Variants in GRM8 observed in about 807,000 individuals in gnomAD.
GRM8 encodes the protein metabotropic glutamate receptor 8.
GRM8 carries 47 observed loss-of-function variants against 87.2 expected under a neutral mutation model. The ratio of observed to expected loss-of-function variants is 0.54; its 90% CI spans 0.43 to 0.69. The LOEUF is 0.69. GRM8 is among the 30% of genes least tolerant of loss of function. The pLI is 0.00. For synonymous variants in GRM8, 396 were observed against 404.5 expected (o/e 0.98, Z 0.25); for missense variants, 1,019 against 1,139.2 (o/e 0.89, Z 1.52).
chr7:126,735,017 A>G (rs1814036837), intron 7 of GRM8, among the ~76,000 whole-genome samples: 1 of 152,076 alleles, frequency 6.6e-6, no homozygotes, highest in Admixed American at 6.6e-5. Flanking sequence ...ATTTTTGGCC[A>G]ATCCAGGCCT....
intron 3 of GRM8, among the ~76,000 whole-genome samples, chr7:126,945,113 G>GTTTA (rs571901183): frequency 1.1e-4 from 17 of 151,804 alleles, no homozygotes; most frequent in Admixed American, 3.9e-4. Context: ...ATGTGTAGAT[G>GTTTA]TTTACTCTAG....
At chr7:126,587,924 A>G (rs2151032195) in intron 8 of GRM8, among the ~76,000 whole-genome samples, 1 of 151,556 alleles carries the variant, frequency 6.6e-6, no homozygotes, top group Admixed American at 6.6e-5. Flanking sequence ...AAAAAAAAAG[A>G]AAAAGAAAGA....
chr7:126,741,096 C>G (rs1814915316), intron 7 of GRM8, among the ~76,000 whole-genome samples: 1 of 152,008 alleles, frequency 6.6e-6, no homozygotes, highest in African/African-American at 2.4e-5. Context: ...GTGAATAAAA[C>G]CAGTGAGACG....
intron 9 of GRM8, among the ~76,000 whole-genome samples, chr7:126,499,990 G>A (rs1178570828): frequency 2.0e-5 from 3 of 151,772 alleles, no homozygotes; most frequent in African/African-American, 4.8e-5. Context: ...TGATATGTGC[G>A]TATATACATA....
intron 6 of GRM8, among the ~76,000 whole-genome samples, chr7:126,899,972 T>A (rs1389848069): frequency 6.6e-6 from 1 of 152,066 alleles, no homozygotes; most frequent in East Asian, 1.9e-4. Context: ...CCTGTCTTTC[T>A]CCTGGAGACT....
At chr7:126,469,898 T>C (rs1395521871) in intron 9 of GRM8, among the ~76,000 whole-genome samples, 2 of 152,094 alleles carry the variant, frequency 1.3e-5, no homozygotes, top group African/African-American at 4.8e-5. Flanking sequence ...AGGCAGAGGT[T>C]GGAAGAGTTT....
At chr7:127,034,869 T>C (rs997369492) in intron 3 of GRM8, among the ~76,000 whole-genome samples, 5 of 152,126 alleles carry the variant, frequency 3.3e-5, no homozygotes, top group Non-Finnish European at 5.9e-5. Flanking sequence ...GGAAATCTCA[T>C]AAAACTCTGA....
chr7:126,760,506 G>T (rs1459142367), intron 7 of GRM8, among the ~76,000 whole-genome samples: 1 of 152,126 alleles, frequency 6.6e-6, no homozygotes, highest in East Asian at 1.9e-4. Flanking sequence ...AAATTTCATG[G>T]TGATTTAATG....
chr7:126,921,966 T>A (rs1292053910), intron 3 of GRM8, among the ~76,000 whole-genome samples: 1 of 151,922 alleles, frequency 6.6e-6, no homozygotes, highest in Admixed American at 6.6e-5. Flanking sequence ...TTAACAGCCA[T>A]CAAAGGTCCA....
rs1413499687 is a variant in GRM8, at chr7:127,252,785, G to T, written c.-312+12C>A. 2 of 159,116 alleles carry T rather than the reference G, an allele frequency of 1.3e-5. No homozygotes were observed. The highest frequency in any genetic ancestry group is 2.9e-4 in the South Asian group (2 of 6,866). 9.9% of individuals were successfully genotyped at this position (159,116 alleles called of 1,614,324 possible). A position where few individuals can be genotyped will look rare whatever the true frequency, so the allele number is the denominator to read the frequency against. On this transcript the variant is annotated intron_variant, in intron 1 of 10. Coordinates refer to ENST00000339582, the MANE Select transcript of GRM8 (RefSeq NM_000845.3). The surrounding 1 kb of genome is among the most constrained non-coding windows in gnomAD (Gnocchi z 4.9). ...TCGGAGCCGCTTTCTGCTGCCGGGC[G>T]GCGAGTCTTACCCTGCTCCCCGCAG...
chr7:126,649,790 G>C (rs1803590842), intron 7 of GRM8, among the ~76,000 whole-genome samples: 1 of 152,182 alleles, frequency 6.6e-6, no homozygotes, highest in East Asian at 1.9e-4. Context: ...TGCCAGTTTT[G>C]AGTGGTGTCC....
intron 2 of GRM8, among the ~76,000 whole-genome samples, chr7:127,120,082 G>A (rs139194946): frequency 0.013 from 1,951 of 152,262 alleles, 36 homozygotes; most frequent in South Asian, 0.041. Context: ...AAGATCATCT[G>A]GTGCACCAGG....
chr7:127,185,747 C>T lies in GRM8; in HGVS notation c.510+56948G>A, dbSNP rs140329398. 1.3e-4 allele frequency among the ~76,000 whole-genome samples: 20 copies of T among 152,214 alleles called. No homozygotes were observed. The East Asian group carries it at 3.5e-3, about 26-fold the overall frequency. ...TTTGGGAGATTAAGAAGGAAGAGAT[C>T]CAGGATCCCTGGCAATGTAGTATCC... On this transcript the variant is annotated intron_variant, in intron 2 of 10. Coordinates refer to ENST00000339582, the MANE Select transcript of GRM8 (RefSeq NM_000845.3).
At chr7:127,102,785 A>G (rs17865086) in intron 3 of GRM8, among the ~76,000 whole-genome samples, 1,543 of 152,284 alleles carry the variant, frequency 0.01, 26 homozygotes, top group African/African-American at 0.034. Flanking sequence ...TGTCAGGGGG[A>G]AATGTGGGGT....
At chr7:126,846,923 G>A (rs2130667585) in intron 6 of GRM8, among the ~76,000 whole-genome samples, 1 of 152,146 alleles carries the variant, frequency 6.6e-6, no homozygotes, top group South Asian at 2.1e-4. Flanking sequence ...TTGCACCACA[G>A]TATAAAATGC....
intron 6 of GRM8, among the ~76,000 whole-genome samples, chr7:126,814,779 A>C (rs1793623009): frequency 6.6e-6 from 1 of 151,452 alleles, no homozygotes; most frequent in Non-Finnish European, 1.5e-5. Context: ...TTTCAAAAAT[A>C]AGCCACTGCC....
At position 126,453,232 on chromosome 7, in the gene GRM8, G is replaced by C. The variant is rs1208027908; in HGVS notation, c.2431-6860C>G. On this transcript the variant is annotated intron_variant, in intron 9 of 10. Transcript: ENST00000339582. ...TCTGGGAAAAATCACCGTCCTGAGTGTTGTGTTTCTCCTGTCAGGTAGAAA... is the reference window on the plus strand; with the variant it reads ...TCTGGGAAAAATCACCGTCCTGAGTCTTGTGTTTCTCCTGTCAGGTAGAAA... 2.0e-5 allele frequency among the ~76,000 whole-genome samples: 3 copies of C among 151,770 alleles called. No individual in the cohort carries two copies. In the East Asian group the frequency reaches 5.9e-4, roughly 30 times the overall value.
intron 7 of GRM8, among the ~76,000 whole-genome samples, chr7:126,711,108 GA>G (rs1186582738): frequency 4.5e-4 from 68 of 152,334 alleles, no homozygotes; most frequent in African/African-American, 1.6e-3. Flanking sequence ...CCAGGAGGTG[GA>G]GGTTGTGGTG....
rs1210954205 is a variant in GRM8, at chr7:126,826,183, G to A, written c.1157-56118C>T. On this transcript the variant is annotated intron_variant, in intron 6 of 10. Coordinates refer to ENST00000339582, the MANE Select transcript of GRM8 (RefSeq NM_000845.3). ...GTGAATAGTGCCACAATAAACATAC[G>A]TGTGCATGTGTCTTTATAGTAGCAT... 3.9e-5 allele frequency among the ~76,000 whole-genome samples: 6 copies of A among 152,110 alleles called. No homozygotes were observed. In the East Asian group the frequency reaches 1.2e-3, roughly 29 times the overall value.
Sources: gnomAD v4.1 joint callset for allele counts (sites outside exome capture counted in the v4.1 genomes callset) on GRCh38, gnomAD v4.1.1 for gene constraint, Gnocchi (gnomAD v3.1) non-coding constraint, MANE v1.5 for transcripts, NCBI Gene and HGNC (gene_info 2026-07-23, HGNC 2026-07-21) for gene names.